Variants in SMOC2 observed in about 807,000 individuals in gnomAD.
The protein encoded by SMOC2 is SPARC related modular calcium binding 2, also known as SPARC-related modular calcium-binding protein 2.
A neutral mutation model predicts 61.4 loss-of-function variants in SMOC2; 39 were observed. The ratio of observed to expected loss-of-function variants is 0.64; its 90% CI spans 0.49 to 0.83. The LOEUF is 0.83. Among genes scored for constraint, SMOC2 ranks in the 40% least tolerant of loss-of-function variants. The pLI is 0.00. For missense variants in SMOC2, 556 were observed against 592.9 expected, an observed-to-expected ratio of 0.94 and a Z score of 0.65; for synonymous variants, 247 against 239.9, an observed-to-expected ratio of 1.03 and a Z score of -0.27.
chr6:168,522,407 A>G (rs1438715414), intron 2 of SMOC2, among the ~76,000 whole-genome samples: 1 of 152,272 alleles, frequency 6.6e-6, no homozygotes, highest in African/African-American at 2.4e-5. Flanking sequence ...CTGCATGTCT[A>G]TAACAGCATT....
At chr6:168,441,835 C>G (rs1781216757) in intron 1 of SMOC2, among the ~76,000 whole-genome samples, 2 of 152,144 alleles carry the variant, frequency 1.3e-5, no homozygotes, top group South Asian at 4.1e-4. Context: ...GCACTCACTG[C>G]TGGGCCTGAG....
chr6:168,495,824 C>T (rs1408509702), intron 1 of SMOC2, among the ~76,000 whole-genome samples: 1 of 152,010 alleles, frequency 6.6e-6, no homozygotes, highest in Non-Finnish European at 1.5e-5. Context: ...GTGCAGTTCC[C>T]CATGGTGGCT....
chr6:168,566,992 G>A (rs1368354908), intron 7 of SMOC2, among the ~76,000 whole-genome samples: 1 of 152,142 alleles, frequency 6.6e-6, no homozygotes, highest in Non-Finnish European at 1.5e-5. Context: ...TGACCACAAA[G>A]CATTCTCTCT....
chr6:168,471,235 G>T (rs1207251354), intron 1 of SMOC2, among the ~76,000 whole-genome samples: 1 of 152,080 alleles, frequency 6.6e-6, no homozygotes, highest in African/African-American at 2.4e-5. Context: ...AGCCCTAGTA[G>T]CCACCATTCT....
intron 9 of SMOC2, among the ~76,000 whole-genome samples, chr6:168,637,811 C>T (rs942988537): frequency 9.2e-5 from 14 of 152,232 alleles, no homozygotes; most frequent in African/African-American, 3.4e-4. Context: ...GTGCTGCTTG[C>T]AATTCAGGAG....
At chr6:168,518,975 G>T (rs1441694216) in intron 2 of SMOC2, among the ~76,000 whole-genome samples, 6 of 150,422 alleles carry the variant, frequency 4.0e-5, no homozygotes, top group African/African-American at 1.5e-4. Context: ...GCACGCGTGT[G>T]TATGCATGCG....
At chr6:168,656,209 G>A (rs1461452496) in intron 11 of SMOC2, among the ~76,000 whole-genome samples, 4 of 152,026 alleles carry the variant, frequency 2.6e-5, no homozygotes, top group South Asian at 2.1e-4. Flanking sequence ...CTGATTCACC[G>A]TGGTCTTTAA....
chr6:168,458,080 G>C (rs921735831), intron 1 of SMOC2, among the ~76,000 whole-genome samples: 2 of 152,298 alleles, frequency 1.3e-5, no homozygotes, highest in East Asian at 3.9e-4. Flanking sequence ...TCCTAGGAAG[G>C]CTGGGGGGAT....
At chr6:168,492,170 G>A (rs1196680408) in intron 1 of SMOC2, among the ~76,000 whole-genome samples, 4 of 152,116 alleles carry the variant, frequency 2.6e-5, no homozygotes, top group African/African-American at 9.7e-5. Context: ...GAAAAATATA[G>A]GACTTACCTA....
rs567066690 is a variant in SMOC2 at position 168,518,478 on chromosome 6, T to C, written c.257-7868T>C. Among the ~76,000 whole-genome samples, 4 of 131,510 alleles carry C rather than the reference T, an allele frequency of 3.0e-5. No homozygotes were observed. The South Asian group carries it at 1.1e-3, about 36-fold the overall frequency. 86.3% of individuals were successfully genotyped at this position (131,510 alleles called of 152,430 possible). A position where few individuals can be genotyped will look rare whatever the true frequency, so the allele number is the denominator to read the frequency against. On this transcript the variant is annotated intron_variant, in intron 2 of 12. Transcript: ENST00000356284. Reference sequence around the variant, plus strand: ...ATGTGTGTATTCATGTGCCTGTGAGTGTACATATGTGAGTGTGCATGTGTG... The same window carrying C: ...ATGTGTGTATTCATGTGCCTGTGAGCGTACATATGTGAGTGTGCATGTGTG...
chr6:168,459,876 G>A (rs1781683579), intron 1 of SMOC2, among the ~76,000 whole-genome samples: 1 of 152,036 alleles, frequency 6.6e-6, no homozygotes. Context: ...GGGGGTGGGT[G>A]AGACCTTGGT....
At chr6:168,655,504 A>C (rs1787298640) in intron 11 of SMOC2, 5 of 443,172 alleles carry the variant, frequency 1.1e-5, no homozygotes, top group African/African-American at 2.0e-5. Flanking sequence ...AGATGCGTGC[A>C]TGCCCTGATC....
At chr6:168,551,013 G>C (rs922582282) in intron 7 of SMOC2, among the ~76,000 whole-genome samples, 1 of 152,182 alleles carries the variant, frequency 6.6e-6, no homozygotes, top group Admixed American at 6.5e-5. Flanking sequence ...CCCATAATCT[G>C]CACATGTCAA....
chr6:168,632,441 G>A (rs143127108), intron 9 of SMOC2, among the ~76,000 whole-genome samples: 58 of 152,346 alleles, frequency 3.8e-4, no homozygotes, highest in African/African-American at 1.3e-3. Context: ...CAAAGGAAGT[G>A]CTTTCACTCT....
In SMOC2 at chr6:168,621,914, C is replaced by T. The variant is rs540349350; in HGVS notation, c.907+13675C>T. Reference sequence around the variant, plus strand: ...TTACACAGGGGTAAAATTGTTTATTCAAAGGCAGCAGAATAGCATTGTTGT... The same window carrying T: ...TTACACAGGGGTAAAATTGTTTATTTAAAGGCAGCAGAATAGCATTGTTGT... On this transcript the variant is annotated intron_variant, in intron 9 of 12. Transcript: ENST00000356284. Among the ~76,000 whole-genome samples, 5 of 152,168 alleles carry T rather than the reference C, an allele frequency of 3.3e-5. No homozygotes were observed. In the South Asian group the frequency reaches 1.0e-3, roughly 32 times the overall value.
intron 1 of SMOC2, among the ~76,000 whole-genome samples, chr6:168,495,388 G>A (rs906085578): frequency 1.3e-5 from 2 of 152,310 alleles, no homozygotes; most frequent in South Asian, 2.1e-4. Context: ...CGCGGCTCCC[G>A]GTGCCCACCG....
At chr6:168,615,114 G>GGTCTCTTCATACTTACAGCTGGCACA (rs1562383805) in intron 9 of SMOC2, among the ~76,000 whole-genome samples, 4 of 37,374 alleles carry the variant, frequency 1.1e-4, no homozygotes, top group African/African-American at 1.1e-4. Context: ...GCCAGCACAG[G>GGTCTCTTCATACTTACAGCTGGCACA]GGGCCTCTTT....
At chr6:168,539,308 C>G (rs1191354898) in intron 4 of SMOC2, among the ~76,000 whole-genome samples, 1 of 152,252 alleles carries the variant, frequency 6.6e-6, no homozygotes, top group African/African-American at 2.4e-5. Context: ...TGAGCTGCCA[C>G]TGACAGAGAA....
At chr6:168,663,842 C>T (rs552644279) in intron 11 of SMOC2, among the ~76,000 whole-genome samples, 3 of 152,150 alleles carry the variant, frequency 2.0e-5, no homozygotes, top group South Asian at 2.1e-4. Context: ...AAATATTACA[C>T]GATAATATAT....
Sources: gnomAD v4.1 joint callset for allele counts (sites outside exome capture counted in the v4.1 genomes callset) on GRCh38, gnomAD v4.1.1 for gene constraint, MANE v1.5 for transcripts, NCBI Gene and HGNC (gene_info 2026-07-23, HGNC 2026-07-21) for gene names.